Variants in LRP1B observed in about 807,000 individuals in gnomAD.
The protein encoded by LRP1B is low-density lipoprotein receptor-related protein 1B.
LRP1B carries 217 observed loss-of-function variants against 556.6 expected under a neutral mutation model. The ratio of observed to expected loss-of-function variants is 0.39; its 90% confidence interval spans 0.35 to 0.44. The LOEUF is 0.44. Ranked by LOEUF, LRP1B falls within the 20% of genes least tolerant of loss-of-function variation. The pLI is 1.00. For synonymous variants in LRP1B, 2,047 were observed against 1,865.8 expected (o/e 1.10, Z -2.50); for missense variants, 5,053 against 5,620.8 (o/e 0.90, Z 3.23).
intron 66 of LRP1B, among the ~76,000 whole-genome samples, chr2:140,419,977 C>T (rs1488370743): frequency 6.9e-6 from 1 of 145,406 alleles, no homozygotes; most frequent in Non-Finnish European, 1.5e-5. Flanking sequence ...CACTGCACTC[C>T]AGCCTGGGTG....
At chr2:141,607,210 C>A (rs1439363273) in intron 2 of LRP1B, among the ~76,000 whole-genome samples, 2 of 151,408 alleles carry the variant, frequency 1.3e-5, no homozygotes, top group Non-Finnish European at 2.9e-5. Context: ...TCAAAACAGA[C>A]ATAAGTGAGT....
chr2:140,707,740 A>T (rs1339353418), intron 37 of LRP1B, among the ~76,000 whole-genome samples: 2 of 151,978 alleles, frequency 1.3e-5, no homozygotes, highest in African/African-American at 4.8e-5. Context: ...CTTTTTCTTC[A>T]TTTACGTACA....
chr2:140,697,337 T>C (rs1211901675), intron 41 of LRP1B, among the ~76,000 whole-genome samples: 1 of 152,080 alleles, frequency 6.6e-6, no homozygotes, highest in South Asian at 2.1e-4. Context: ...ACCCTTACAG[T>C]TCATCAGACC....
intron 59 of LRP1B, among the ~76,000 whole-genome samples, chr2:140,478,144 C>CTTTTTTTTTTTTTTTTTTTTTT (rs35948232): frequency 4.8e-5 from 3 of 62,774 alleles, no homozygotes; most frequent in African/African-American, 1.1e-4. Context: ...TATAACTTAA[C>CTTTTTTTTTTTTTTTTTTTTTT]TTTTTTTTTT....
At chr2:141,618,136 G>C (rs1478429694) in intron 2 of LRP1B, among the ~76,000 whole-genome samples, 2 of 152,116 alleles carry the variant, frequency 1.3e-5, no homozygotes, top group Non-Finnish European at 2.9e-5. Flanking sequence ...GACGGAGAAA[G>C]AACTTGCCCT....
At chr2:141,961,322 T>C (rs1361815316) in intron 1 of LRP1B, among the ~76,000 whole-genome samples, 1 of 151,730 alleles carries the variant, frequency 6.6e-6, no homozygotes, top group Non-Finnish European at 1.5e-5. Flanking sequence ...ACATACAGCC[T>C]CCACTTTGCC....
chr2:142,028,520 C>T (rs993690407), intron 1 of LRP1B, among the ~76,000 whole-genome samples: 1 of 151,924 alleles, frequency 6.6e-6, no homozygotes, highest in Non-Finnish European at 1.5e-5. Flanking sequence ...CCTTTCTTTG[C>T]TGAGTAATAT....
chr2:142,052,091 G>GA (rs1322791325), intron 1 of LRP1B, among the ~76,000 whole-genome samples: 5 of 151,548 alleles, frequency 3.3e-5, no homozygotes, highest in African/African-American at 1.2e-4. Flanking sequence ...AGAAAATTTT[G>GA]AAAAATCAAA....
At chr2:140,641,567 T>C (rs534625822) in intron 41 of LRP1B, among the ~76,000 whole-genome samples, 43 of 152,320 alleles carry the variant, frequency 2.8e-4, no homozygotes, top group Admixed American at 2.8e-3. Flanking sequence ...AAATATACCT[T>C]CCTAAAATCC....
chr2:142,073,309 T>C (rs1705390423), intron 1 of LRP1B, among the ~76,000 whole-genome samples: 1 of 151,964 alleles, frequency 6.6e-6, no homozygotes, highest in Non-Finnish European at 1.5e-5. Context: ...GTAACAAGTC[T>C]TAAAAACTAT....
chr2:141,865,466 C>A (rs12998469), intron 1 of LRP1B, among the ~76,000 whole-genome samples: 47,177 of 148,040 alleles, frequency 0.32, 8,693 homozygotes, highest in Middle Eastern at 0.45. Context: ...GTGGCGGGCG[C>A]CTGTAGTCCC....
chr2:140,304,217 T>A (rs961391010), intron 83 of LRP1B, among the ~76,000 whole-genome samples: 1 of 152,154 alleles, frequency 6.6e-6, no homozygotes, highest in East Asian at 1.9e-4. Context: ...TAGTTATAGA[T>A]CCTTGAGGAG....
chr2:140,261,307 C>T (rs150337171), intron 86 of LRP1B, among the ~76,000 whole-genome samples: 20 of 151,838 alleles, frequency 1.3e-4, no homozygotes, highest in African/African-American at 4.8e-4. Flanking sequence ...TTATACTATT[C>T]TAGTGAACAA....
At chr2:141,873,996 G>T (rs1698675409) in intron 1 of LRP1B, among the ~76,000 whole-genome samples, 1 of 150,402 alleles carries the variant, frequency 6.6e-6, no homozygotes, top group South Asian at 2.1e-4. Flanking sequence ...CAAGAGGTAT[G>T]CATAGAGAGA....
intron 41 of LRP1B, among the ~76,000 whole-genome samples, chr2:140,643,322 G>T (rs910370674): frequency 6.6e-6 from 1 of 151,536 alleles, no homozygotes; most frequent in Non-Finnish European, 1.5e-5. Flanking sequence ...TTTGCTTTCT[G>T]TCTACACTTC....
intron 2 of LRP1B, among the ~76,000 whole-genome samples, chr2:141,610,567 T>C (rs959771881): frequency 6.6e-6 from 1 of 152,106 alleles, no homozygotes; most frequent in Non-Finnish European, 1.5e-5. Flanking sequence ...TCCCCTGCCC[T>C]TTCTACCATA....
At chr2:141,813,145 G>T (rs932453709) in intron 1 of LRP1B, among the ~76,000 whole-genome samples, 10 of 152,088 alleles carry the variant, frequency 6.6e-5, no homozygotes, top group African/African-American at 2.4e-4. Context: ...AGGCACTAGG[G>T]ATACGATAAT....
At chr2:141,610,323 A>ATTATTATTATACTTTAAGTTTTAAAGT (rs143503631) in intron 2 of LRP1B, among the ~76,000 whole-genome samples, 1 of 122,708 alleles carries the variant, frequency 8.1e-6, no homozygotes, top group Non-Finnish European at 1.6e-5. Context: ...CTTAAAGTAT[A>ATTATTATTATACTTTAAGTTTTAAAGT]ATAATAATAA....
chr2:141,025,318 C>A (rs1698187386), intron 11 of LRP1B, among the ~76,000 whole-genome samples: 1 of 151,994 alleles, frequency 6.6e-6, no homozygotes, highest in Non-Finnish European at 1.5e-5. Flanking sequence ...AGCTATTGTT[C>A]TTATGGGAAT....
Sources: gnomAD v4.1 joint callset for allele counts (sites outside exome capture counted in the v4.1 genomes callset) on GRCh38, gnomAD v4.1.1 for gene constraint, MANE v1.5 for transcripts, NCBI Gene and HGNC (gene_info 2026-07-23, HGNC 2026-07-21) for gene names.